Variants in ANKS1B observed in about 807,000 individuals in gnomAD.
ANKS1B encodes the protein ankyrin repeat and sterile alpha motif domain containing 1B, also known as ankyrin repeat and sterile alpha motif domain-containing protein 1B.
In ANKS1B, 36 loss-of-function variants were observed where a neutral mutation model predicts 148.3. That is an observed-to-expected ratio of 0.24 (90% CI 0.19 to 0.32). The LOEUF (loss-of-function observed/expected upper bound fraction) is 0.32, where lower values mean the gene tolerates loss of function less well. Ranked by LOEUF, ANKS1B falls within the 10% of genes least tolerant of loss-of-function variation. The probability of loss-of-function intolerance (pLI) is 1.00; values close to 1 mark genes in which losing one functional copy is unlikely to be tolerated. For missense variants in ANKS1B, 1,157 were observed against 1,542.6 expected (o/e 0.75, Z 4.19); for synonymous variants, 542 against 560.8 (o/e 0.97, Z 0.47).
intron 17 of ANKS1B, among the ~76,000 whole-genome samples, chr12:98,941,160 A>G (rs375910397): frequency 6.6e-6 from 1 of 152,188 alleles, no homozygotes; most frequent in Non-Finnish European, 1.5e-5. Context: ...CTGTTTAAAG[A>G]CACCTTCTTT....
chr12:99,542,861 G>A (rs935700683), intron 9 of ANKS1B, among the ~76,000 whole-genome samples: 3 of 152,004 alleles, frequency 2.0e-5, no homozygotes, highest in Admixed American at 6.6e-5. Flanking sequence ...ACGCCTAAAC[G>A]AAAGGGTAAA....
At chr12:98,742,822 G>GGGCT (rs961509814), downstream of ANKS1B, among the ~76,000 whole-genome samples, 2 of 152,310 alleles carry the variant, frequency 1.3e-5, no homozygotes, top group South Asian at 2.1e-4. Flanking sequence ...AGTAAATGTG[G>GGGCT]GGCTGGCTGG....
chr12:99,097,442 G>A (rs527546041), intron 15 of ANKS1B: 40 of 151,738 alleles, frequency 2.6e-4, no homozygotes, highest in African/African-American at 9.4e-4. Flanking sequence ...TTTCCTATCC[G>A]GCAGGAAAAA....
intron 9 of ANKS1B, among the ~76,000 whole-genome samples, chr12:99,598,821 A>G (rs995168099): frequency 1.3e-5 from 2 of 152,106 alleles, no homozygotes; most frequent in African/African-American, 4.8e-5. Context: ...GCTGTAACAA[A>G]ATACCATAAA....
intron 15 of ANKS1B, among the ~76,000 whole-genome samples, chr12:99,116,550 G>T (rs2061470349): frequency 6.6e-6 from 1 of 151,984 alleles, no homozygotes; most frequent in Admixed American, 6.6e-5. Context: ...ATGATATTTT[G>T]ACCTTCTTGG....
intron 9 of ANKS1B, among the ~76,000 whole-genome samples, chr12:99,591,142 T>A (rs1024891697): frequency 6.6e-6 from 1 of 152,088 alleles, no homozygotes; most frequent in Admixed American, 6.6e-5. Flanking sequence ...AGAATACTGA[T>A]CTTATTATCT....
chr12:99,263,287 A>T (rs1440576713), intron 12 of ANKS1B, among the ~76,000 whole-genome samples: 1 of 152,056 alleles, frequency 6.6e-6, no homozygotes, highest in Non-Finnish European at 1.5e-5. Flanking sequence ...ACTCATGCCC[A>T]CGCCCCGTTT....
chr12:99,807,410 A>T (rs2067767679), intron 3 of ANKS1B, among the ~76,000 whole-genome samples: 1 of 152,156 alleles, frequency 6.6e-6, no homozygotes, highest in Admixed American at 6.5e-5. Flanking sequence ...ATGTTAAGAT[A>T]CAGAAAACTG....
At chr12:99,327,481 ATT>A (rs2086702108) in intron 12 of ANKS1B, among the ~76,000 whole-genome samples, 1 of 137,978 alleles carries the variant, frequency 7.2e-6, no homozygotes, top group South Asian at 2.1e-4. Context: ...AAATATATAT[ATT>A]ATATATTATA....
chr12:99,232,257 T>C (rs749214876), intron 14 of ANKS1B, among the ~76,000 whole-genome samples: 18 of 152,214 alleles, frequency 1.2e-4, no homozygotes, highest in Non-Finnish European at 2.2e-4. Context: ...GGCATTTATA[T>C]ATTGACAAAT....
intron 10 of ANKS1B, among the ~76,000 whole-genome samples, chr12:99,449,553 G>A (rs17029487): frequency 0.044 from 6,730 of 152,012 alleles, 200 homozygotes; most frequent in East Asian, 0.14. Flanking sequence ...TATCATTTAC[G>A]TGTGCAGATA....
intron 12 of ANKS1B, among the ~76,000 whole-genome samples, chr12:99,318,983 G>C (rs906044574): frequency 2.6e-5 from 4 of 152,152 alleles, no homozygotes; most frequent in African/African-American, 7.2e-5. Context: ...GAGCGGTTTT[G>C]AGTGAGTTTC....
At chr12:98,759,992 TAAAATAAATA>T (rs755736447) in intron 25 of ANKS1B, among the ~76,000 whole-genome samples, 2 of 124,266 alleles carry the variant, frequency 1.6e-5, no homozygotes, top group African/African-American at 2.6e-5. Context: ...AATAAATAAA[TAAAATAAATA>T]AATCAATAAT....
In ANKS1B at chr12:99,229,318, T is replaced by G. The variant is rs1038538277; in HGVS notation, c.2419+15024A>C. Among the ~76,000 whole-genome samples the G allele has an allele frequency of 3.3e-5, 5 of 152,060 alleles. No individual in the cohort carries two copies. The South Asian group carries it at 1.0e-3, about 31-fold the overall frequency. On this transcript the variant is annotated intron_variant, in intron 14 of 26. Transcript: ENST00000683438. ...CATCAGGAATTAGTGTAATTTCTTT[T>G]TTAAATTTTCTATTAATGGTCATTT...
At chr12:99,786,536 G>A (rs2065026873) in intron 4 of ANKS1B, among the ~76,000 whole-genome samples, 2 of 152,172 alleles carry the variant, frequency 1.3e-5, no homozygotes, top group South Asian at 2.1e-4. Flanking sequence ...GGGAAAGGAT[G>A]TCTAACTAGG....
chr12:99,483,206 C>T (rs1291094339), intron 10 of ANKS1B, among the ~76,000 whole-genome samples: 1 of 151,260 alleles, frequency 6.6e-6, no homozygotes, highest in African/African-American at 2.4e-5. Flanking sequence ...GTTTTTATCA[C>T]AAAAGTATGC....
Position 98,963,422 on chromosome 12 carries a change from C to T in ANKS1B, c.2778+89735G>A, listed in dbSNP as rs139905270. Reference sequence around the variant, plus strand: ...CAAACTCCTGGTCTCAAGTGAGCCACCTGCTATGGCCTCCCAAAGTGCTGG... The same window carrying T: ...CAAACTCCTGGTCTCAAGTGAGCCATCTGCTATGGCCTCCCAAAGTGCTGG... On this transcript the variant is annotated intron_variant, in intron 17 of 26. Transcript: ENST00000683438. 7.9e-4 allele frequency among the ~76,000 whole-genome samples: 120 copies of T among 152,256 alleles called. 1 individual carries two copies. In the Middle Eastern group the frequency reaches 0.031, roughly 39 times the overall value.
chr12:99,644,802 C>T (rs2098343532), intron 9 of ANKS1B, among the ~76,000 whole-genome samples: 1 of 152,206 alleles, frequency 6.6e-6, no homozygotes, highest in South Asian at 2.1e-4. Context: ...AAGGTATTGG[C>T]AGGGCTATCT....
At chr12:99,509,279 T>C (rs1013676834) in intron 9 of ANKS1B, among the ~76,000 whole-genome samples, 1 of 151,830 alleles carries the variant, frequency 6.6e-6, no homozygotes, top group Non-Finnish European at 1.5e-5. Flanking sequence ...CACATGTCTC[T>C]CACTTTAAAT....
Sources: gnomAD v4.1 joint callset for allele counts (sites outside exome capture counted in the v4.1 genomes callset) on GRCh38, gnomAD v4.1.1 for gene constraint, MANE v1.5 for transcripts, NCBI Gene and HGNC (gene_info 2026-07-23, HGNC 2026-07-21) for gene names.